The following PRKCQ variants were observed in gnomAD, a reference collection of about 807,000 sequenced individuals.
PRKCQ encodes the protein protein kinase C theta, also known as protein kinase C theta type.
Under a neutral mutation model 91.2 loss-of-function variants are expected in PRKCQ, and 41 were observed. That is an observed-to-expected ratio of 0.45 (90% CI 0.35 to 0.58). PRKCQ has a LOEUF of 0.58. PRKCQ is among the 20% of genes least tolerant of loss of function. PRKCQ has a pLI of 0.00. For synonymous variants in PRKCQ, 307 were observed against 316.9 expected (o/e 0.97, Z 0.33); for missense variants, 673 against 896.5 (o/e 0.75, Z 3.18).
chr10:6,441,387 T>C (rs957682420), intron 16 of PRKCQ, among the ~76,000 whole-genome samples: 1 of 152,182 alleles, frequency 6.6e-6, no homozygotes, highest in South Asian at 2.1e-4. Flanking sequence ...GGTGATCCGC[T>C]CACCTTGGCC....
At position 6,466,459 on chromosome 10, in the gene PRKCQ, A is replaced by G. The variant is rs189236000; in HGVS notation, c.1354-2055T>C. Among the ~76,000 whole-genome samples the G allele has an allele frequency of 7.0e-4, 106 of 152,372 alleles. 2 individuals carry two copies. Among genetic ancestry groups the G allele is most frequent in the South Asian group, 1.2e-3 (6 of 4,830 alleles). Reference sequence around the variant, plus strand: ...ACTACGTTACTAGTGATTATTAATTAACAGCAATGGAGATTTATAGTATGT... The same window carrying G: ...ACTACGTTACTAGTGATTATTAATTGACAGCAATGGAGATTTATAGTATGT... On this transcript the variant is annotated intron_variant, in intron 12 of 17. Transcript: ENST00000263125.
chr10:6,412,797 G>A, the PRKCQ span, among the ~76,000 whole-genome samples: 3 of 152,166 alleles, frequency 2.0e-5, no homozygotes, highest in Admixed American at 6.5e-5. Flanking sequence ...AGCGTAAGCG[G>A]GTTACAAGTG....
chr10:6,521,936 T>TATTTATTTATTC (rs774207883), intron 1 of PRKCQ, among the ~76,000 whole-genome samples: 15,162 of 151,006 alleles, frequency 0.1, 839 homozygotes, highest in Non-Finnish European at 0.12. Flanking sequence ...TTTATTTATT[T>TATTTATTTATTC]ATTTATTTAT....
rs1837697893 is a variant in PRKCQ, at chr10:6,497,786, A to C, written c.543-535T>G. The stretch of plus-strand genomic sequence containing the variant: ...CCCGCCAAGTCGATCTGGCATGTGG[A>C]TACCCTGGTTACACAGGAGCTGTGC... On this transcript the variant is annotated intron_variant, in intron 5 of 17. Transcript: ENST00000263125. This position sits in a 1 kb window ranked among gnomAD's most constrained non-coding sequence, Gnocchi z 4.5. Among the ~76,000 whole-genome samples the C allele has an allele frequency of 6.6e-6, 1 of 152,224 alleles. No individual in the cohort carries two copies. The highest frequency in any genetic ancestry group is 2.4e-5 in the African/African-American group (1 of 41,452).
At chr10:6,540,279 C>T (rs1196905476) in intron 1 of PRKCQ, among the ~76,000 whole-genome samples, 2 of 152,124 alleles carry the variant, frequency 1.3e-5, no homozygotes, top group Admixed American at 6.5e-5. Context: ...TTGTATAGTT[C>T]AGTGACATTC....
At chr10:6,579,452 G>A (rs1009646613) in intron 1 of PRKCQ, among the ~76,000 whole-genome samples, 2 of 152,100 alleles carry the variant, frequency 1.3e-5, no homozygotes, top group African/African-American at 4.8e-5. Flanking sequence ...CAGCCAGCCC[G>A]TGGACCTCTC....
At chr10:6,516,527 T>C (rs181133260) in intron 1 of PRKCQ, among the ~76,000 whole-genome samples, 47 of 152,284 alleles carry the variant, frequency 3.1e-4, no homozygotes, top group African/African-American at 1.1e-3. Context: ...CAGCTGTGAG[T>C]TCTCTGGAGA....
chr10:6,534,789 T>TATAG (rs1554780296), intron 1 of PRKCQ, among the ~76,000 whole-genome samples: 1 of 130,172 alleles, frequency 7.7e-6, no homozygotes, highest in African/African-American at 2.8e-5. Flanking sequence ...TATATATATA[T>TATAG]ATAGATATAT....
chr10:6,440,977 G>C (rs953221199), intron 16 of PRKCQ, among the ~76,000 whole-genome samples: 1 of 152,146 alleles, frequency 6.6e-6, no homozygotes, highest in Admixed American at 6.5e-5. Context: ...GAGGGAGTGA[G>C]ACTGTCTCAA....
At chr10:6,547,402 C>T (rs1840002778) in intron 1 of PRKCQ, among the ~76,000 whole-genome samples, 1 of 151,252 alleles carries the variant, frequency 6.6e-6, no homozygotes, top group Non-Finnish European at 1.5e-5. Context: ...CATATGGAAC[C>T]AAAAAAGAGC....
chr10:6,404,797 TTC>T, the PRKCQ span, among the ~76,000 whole-genome samples: 1 of 133,952 alleles, frequency 7.5e-6, no homozygotes, highest in African/African-American at 2.6e-5. Flanking sequence ...CCTTCCTTCC[TTC>T]TTTCTCTCTC....
the PRKCQ span, among the ~76,000 whole-genome samples, chr10:6,412,146 A>C: frequency 6.6e-6 from 1 of 152,164 alleles, no homozygotes; most frequent in African/African-American, 2.4e-5. Context: ...TCCTCGACTC[A>C]AGAGATTCTC....
At chr10:6,468,691 A>G (rs1835810713) in intron 12 of PRKCQ, among the ~76,000 whole-genome samples, 1 of 152,262 alleles carries the variant, frequency 6.6e-6, no homozygotes, top group South Asian at 2.1e-4. Context: ...AATTTTACAC[A>G]AGAGAATATT....
intron 15 of PRKCQ, among the ~76,000 whole-genome samples, chr10:6,447,055 C>A (rs1486763986): frequency 6.6e-6 from 1 of 152,168 alleles, no homozygotes; most frequent in Non-Finnish European, 1.5e-5. Context: ...CTCCAGGGAG[C>A]TGCTTCCATG....
chr10:6,552,752 TC>T (rs1374664668), intron 1 of PRKCQ, among the ~76,000 whole-genome samples: 12 of 152,130 alleles, frequency 7.9e-5, no homozygotes, highest in African/African-American at 2.7e-4. Context: ...CAGGTGTGAG[TC>T]GCTGCACCCA....
intron 16 of PRKCQ, among the ~76,000 whole-genome samples, chr10:6,437,655 A>T (rs1341535752): frequency 7.2e-6 from 1 of 138,080 alleles, no homozygotes; most frequent in Admixed American, 7.3e-5. Flanking sequence ...TATTTTTTTT[A>T]TTTTTTATTT....
chr10:6,568,500 CTTTT>C (rs201701542), intron 1 of PRKCQ, among the ~76,000 whole-genome samples: 3 of 139,090 alleles, frequency 2.2e-5, no homozygotes, highest in Non-Finnish European at 1.6e-5. Flanking sequence ...TTAGCTTAAC[CTTTT>C]TTTTTTTTTT....
chr10:6,458,317 G>A (rs1457226889), intron 14 of PRKCQ, among the ~76,000 whole-genome samples: 1 of 152,172 alleles, frequency 6.6e-6, no homozygotes, highest in Non-Finnish European at 1.5e-5. Flanking sequence ...TGAGGAAGGA[G>A]TGCCAAGGAA....
chr10:6,530,955 C>A (rs1164258253), intron 1 of PRKCQ, among the ~76,000 whole-genome samples: 1 of 152,188 alleles, frequency 6.6e-6, no homozygotes, highest in Non-Finnish European at 1.5e-5. Flanking sequence ...GGCTGAGTAT[C>A]CACTGGAGGC....
Sources: gnomAD v4.1 joint callset for allele counts (sites outside exome capture counted in the v4.1 genomes callset) on GRCh38, gnomAD v4.1.1 for gene constraint, Gnocchi (gnomAD v3.1) non-coding constraint, MANE v1.5 for transcripts, NCBI Gene and HGNC (gene_info 2026-07-23, HGNC 2026-07-21) for gene names.